CCDC30: variants seen among roughly 807,000 people sequenced by gnomAD.
The protein encoded by CCDC30 is coiled-coil domain containing 30.
In CCDC30, 70 loss-of-function variants were observed where a neutral mutation model predicts 100.2. The observed-to-expected ratio is 0.70, with a 90% CI of 0.58 to 0.85. The LOEUF (loss-of-function observed/expected upper bound fraction) is 0.85, where lower values mean the gene tolerates loss of function less well. CCDC30 is among the 40% of genes least tolerant of loss of function. The pLI, the probability that CCDC30 is intolerant of heterozygous loss-of-function variation, is 0.00. For synonymous variants in CCDC30, 233 were observed against 269.5 expected (o/e 0.86, Z 1.33); for missense variants, 652 against 771.2 (o/e 0.85, Z 1.83).
chr1:42,654,914 T>C (rs1489005865), downstream of CCDC30, among the ~76,000 whole-genome samples: 1 of 151,538 alleles, frequency 6.6e-6, no homozygotes, highest in Non-Finnish European at 1.5e-5. Context: ...GGTTTCACCA[T>C]GTTGGCCATG....
At chr1:42,532,917 C>T (rs1644828955) in intron 6 of CCDC30, among the ~76,000 whole-genome samples, 1 of 152,234 alleles carries the variant, frequency 6.6e-6, no homozygotes, top group South Asian at 2.1e-4. Flanking sequence ...AGGCGCCCGC[C>T]ACCGCGCCCG....
chr1:42,612,521 T>C (rs188185230), intron 11 of CCDC30, among the ~76,000 whole-genome samples: 1 of 152,284 alleles, frequency 6.6e-6, no homozygotes, highest in Non-Finnish European at 1.5e-5. Context: ...AAACCAAGTC[T>C]CAGCTGAGAT....
intron 6 of CCDC30, among the ~76,000 whole-genome samples, chr1:42,514,212 A>G (rs1388258626): frequency 6.6e-6 from 1 of 152,172 alleles, no homozygotes; most frequent in African/African-American, 2.4e-5. Context: ...ATGTTCATTT[A>G]TAAGTTTTTG....
intron 6 of CCDC30, among the ~76,000 whole-genome samples, chr1:42,540,570 C>T (rs1644991816): frequency 6.6e-6 from 1 of 151,932 alleles, no homozygotes; most frequent in African/African-American, 2.4e-5. Flanking sequence ...TATGAAAGTA[C>T]AAAGACTTCC....
At chr1:42,463,420 CA>C (rs1186590455) in exon 1 of CCDC30, 3 of 152,260 alleles carry the variant, frequency 2.0e-5, no homozygotes, top group Non-Finnish European at 4.4e-5. Context: ...GCCTCAGCCC[CA>C]AGGAGGAAAG....
intron 6 of CCDC30, among the ~76,000 whole-genome samples, chr1:42,553,652 T>TACACACACAC (rs60429759): frequency 0.022 from 2,928 of 133,760 alleles, 52 homozygotes; most frequent in Non-Finnish European, 0.024. Context: ...TGAGATTCCA[T>TACACACACAC]ACACACACAC....
chr1:42,516,651 T>C (rs1399933623), intron 6 of CCDC30, among the ~76,000 whole-genome samples: 1 of 148,852 alleles, frequency 6.7e-6, no homozygotes, highest in Non-Finnish European at 1.5e-5. Context: ...TTCTTGCTCA[T>C]ATCTGCTCCT....
chr1:42,621,661 G>A lies in CCDC30; in HGVS notation c.1277+10571G>A, dbSNP rs1370278391. Among the ~76,000 whole-genome samples the A allele has an allele frequency of 8.5e-5, 13 of 152,158 alleles. No individual in the cohort carries two copies. The South Asian group carries it at 2.7e-3, about 32-fold the overall frequency. On this transcript the variant is annotated intron_variant, in intron 11 of 16. Coordinates refer to ENST00000668663, the Ensembl canonical transcript of CCDC30. Reference sequence around the variant, plus strand: ...GGAGTAGCTAGGACTACAGGCGCCTGCCACCACGCAGGCTAATTTTTTTGT... The same window carrying A: ...GGAGTAGCTAGGACTACAGGCGCCTACCACCACGCAGGCTAATTTTTTTGT...
intron 6 of CCDC30, among the ~76,000 whole-genome samples, chr1:42,523,593 A>G (rs1014412500): frequency 2.6e-5 from 4 of 152,026 alleles, no homozygotes; most frequent in African/African-American, 9.7e-5. Context: ...TCTTATTTCA[A>G]GTTGGTTGAG....
chr1:42,625,400 TTC>T (rs1646914424), intron 11 of CCDC30, among the ~76,000 whole-genome samples: 1 of 152,172 alleles, frequency 6.6e-6, no homozygotes, highest in South Asian at 2.1e-4. Flanking sequence ...ATGATTTCTT[TTC>T]TTCTACTAAT....
At chr1:42,532,969 C>G (rs559812736) in intron 6 of CCDC30, among the ~76,000 whole-genome samples, 1 of 152,252 alleles carries the variant, frequency 6.6e-6, no homozygotes, top group South Asian at 2.1e-4. Flanking sequence ...CGGCGTTTCA[C>G]TGTGGTATCG....
At chr1:42,594,238 G>C (rs915706994) in intron 10 of CCDC30, 7 of 152,256 alleles carry the variant, frequency 4.6e-5, no homozygotes, top group African/African-American at 1.7e-4. Context: ...GCCAGGTGTG[G>C]TGGCTCACGA....
intron 4 of CCDC30, among the ~76,000 whole-genome samples, chr1:42,494,780 G>A: frequency 7.9e-6 from 1 of 126,330 alleles, no homozygotes; most frequent in African/African-American, 3.1e-5. Context: ...GGCCATCAGA[G>A]AAATGCAAAT....
At chr1:42,642,418 T>C (rs1210806221) in intron 12 of CCDC30, 55 bp from the exon 17 acceptor site, 11 of 1,390,536 alleles carry the variant, frequency 7.9e-6, no homozygotes, top group Non-Finnish European at 1.0e-5. Flanking sequence ...CTTATGCTCT[T>C]AAATTTATCA....
At chr1:42,561,993 G>T (rs1043046499) in intron 6 of CCDC30, among the ~76,000 whole-genome samples, 1 of 152,134 alleles carries the variant, frequency 6.6e-6, no homozygotes, top group Non-Finnish European at 1.5e-5. Context: ...CATCCTAATG[G>T]ATAGGAAGAA....
At chr1:42,553,315 G>A (rs568709592) in intron 6 of CCDC30, among the ~76,000 whole-genome samples, 1 of 152,098 alleles carries the variant, frequency 6.6e-6, no homozygotes, top group South Asian at 2.1e-4. Context: ...CAGCCATGTC[G>A]TTCCTTGGGT....
At chr1:42,529,549 A>G (rs1557828447) in intron 6 of CCDC30, 2 of 152,184 alleles carry the variant, frequency 1.3e-5, no homozygotes, top group Non-Finnish European at 2.9e-5. Flanking sequence ...TTCTAAAATC[A>G]TTTCCTAAAG....
At chr1:42,532,927 G>A (rs1402582428) in intron 6 of CCDC30, among the ~76,000 whole-genome samples, 6 of 152,238 alleles carry the variant, frequency 3.9e-5, no homozygotes, top group South Asian at 4.1e-4. Context: ...CACCGCGCCC[G>A]GCTAATTTTG....
intron 6 of CCDC30, among the ~76,000 whole-genome samples, chr1:42,515,637 G>A (rs2148496593): frequency 6.6e-6 from 1 of 152,260 alleles, no homozygotes; most frequent in South Asian, 2.1e-4. Flanking sequence ...CTAGAACTCT[G>A]ATAAATAAAC....
Sources: allele counts gnomAD v4.1 joint callset (sites outside exome capture counted in the v4.1 genomes callset), GRCh38; gene constraint gnomAD v4.1.1; transcripts MANE v1.5; gene names NCBI Gene and HGNC (gene_info 2026-07-23, HGNC 2026-07-21).